The following GABRG1 variants were observed in gnomAD, a reference collection of about 807,000 sequenced individuals.
GABRG1 encodes gamma-aminobutyric acid type A receptor subunit gamma1, also known as gamma-aminobutyric acid receptor subunit gamma-1.
Under a neutral mutation model 49.8 loss-of-function variants are expected in GABRG1, and 49 were observed. The ratio of observed to expected loss-of-function variants is 0.98; its 90% CI spans 0.78 to 1.25. GABRG1 has a LOEUF of 1.25. GABRG1 is among the 50% of genes most tolerant of loss of function. The probability of loss-of-function intolerance (pLI) is 0.00; values close to 1 mark genes in which losing one functional copy is unlikely to be tolerated. For synonymous variants in GABRG1, 232 were observed against 185.1 expected, an observed-to-expected ratio of 1.25 and a Z score of -2.06; for missense variants, 552 against 552.3, an observed-to-expected ratio of 1.00 and a Z score of 0.01.
At position 46,051,643 on chromosome 4, in the gene GABRG1, A is replaced by G. The variant is rs1325304036; in HGVS notation, c.917-5T>C. 6.5e-7 allele frequency: 1 copy of G among 1,539,046 alleles called. No individual in the cohort carries two copies. Among genetic ancestry groups the G allele is most frequent in the Non-Finnish European group, 8.9e-7 (1 of 1,126,158 alleles). On this transcript the variant is annotated splice_polypyrimidine_tract_variant and splice_region_variant and intron_variant, in intron 7 of 8. Coordinates refer to ENST00000295452, the MANE Select transcript of GABRG1 (RefSeq NM_173536.4). ...TAGTCAGAACTGTAGTGATACCTATAGAGAGAGGAAACAAAACAGGAAATG... is the reference window on the plus strand; with the variant it reads ...TAGTCAGAACTGTAGTGATACCTATGGAGAGAGGAAACAAAACAGGAAATG...
At chr4:46,092,021 T>C (rs1720007830) in intron 2 of GABRG1, among the ~76,000 whole-genome samples, 4 of 152,060 alleles carry the variant, frequency 2.6e-5, no homozygotes. Context: ...AATTGAGTGA[T>C]ATTTATGAAG....
chr4:46,060,109 T>C (rs1230202315), intron 5 of GABRG1, among the ~76,000 whole-genome samples: 3 of 152,176 alleles, frequency 2.0e-5, no homozygotes, highest in African/African-American at 7.2e-5. Flanking sequence ...AGGAATATCT[T>C]TGAGGACTTT....
In GABRG1 at chr4:46,056,150, T is replaced by TAA. The variant is rs1491407033; in HGVS notation, c.916+2066_916+2067insTT. 3.3e-3 allele frequency among the ~76,000 whole-genome samples: 153 copies of TAA among 46,048 alleles called. 21 individuals are homozygous for TAA. The highest frequency in any genetic ancestry group is 5.2e-3 in the Non-Finnish European group (101 of 19,284). The allele number at this position is 46,048 out of a possible 152,430, so 30.2% of individuals were successfully genotyped here. A position where few individuals can be genotyped will look rare whatever the true frequency, so the allele number is the denominator to read the frequency against. ...AAAAAAAAAAAAATAAATAAATAAA[T>TAA]TAAAAAAAAAAAAAAAAAAAAAAAA... On this transcript the variant is annotated intron_variant, in intron 7 of 8. Coordinates refer to ENST00000295452, the MANE Select transcript of GABRG1 (RefSeq NM_173536.4).
intron 2 of GABRG1, among the ~76,000 whole-genome samples, chr4:46,085,346 A>G (rs1179029522): frequency 6.6e-6 from 1 of 151,622 alleles, no homozygotes; most frequent in Non-Finnish European, 1.5e-5. Context: ...GCATTTTAGC[A>G]TGAGTTACAT....
chr4:46,051,402 G>GAAAT, intron 8 of GABRG1, 22 bp downstream of exon 8: 1 of 1,537,286 alleles, frequency 6.5e-7, no homozygotes, highest in Non-Finnish European at 8.8e-7. Context: ...TTATAAAATA[G>GAAAT]AAATTTTTCT....
chr4:46,060,990 G>T (rs6811066), intron 5 of GABRG1, among the ~76,000 whole-genome samples: 76,800 of 151,872 alleles, frequency 0.51, 19,988 homozygotes, highest in African/African-American at 0.63. Flanking sequence ...CTGGACCCAT[G>T]TAGAGTGCCT....
chr4:46,088,805 TTGTGTGTGTTTG>T (rs1170276658), intron 2 of GABRG1, among the ~76,000 whole-genome samples: 3 of 142,532 alleles, frequency 2.1e-5, no homozygotes, highest in Non-Finnish European at 3.1e-5. Flanking sequence ...GTGTGTGTGT[TTGTGTGTGTTTG>T]TGTGTGTGTG....
intron 4 of GABRG1, among the ~76,000 whole-genome samples, chr4:46,064,929 T>C (rs1718849894): frequency 6.6e-6 from 1 of 152,180 alleles, no homozygotes; most frequent in Admixed American, 6.5e-5. Flanking sequence ...TAAGCAGATA[T>C]GTTTAAGTCA....
chr4:46,048,750 G>A (rs572594840), intron 8 of GABRG1, among the ~76,000 whole-genome samples: 1 of 151,292 alleles, frequency 6.6e-6, no homozygotes, highest in South Asian at 2.1e-4. Flanking sequence ...ATGAAAGAAA[G>A]AGAATGAAAG....
rs766543195 is a variant in GABRG1 at position 46,041,004 on chromosome 4, C to T, written c.1382G>A (p.Gly461Asp). Residue 461 changes from glycine (G) to aspartate (D), a missense_variant, in exon 9 of 9, where the codon GGC (glycine) becomes GAC (aspartate). Gly to Asp is a moderately conservative substitution (Grantham distance 94, BLOSUM62 -1). Coordinates refer to ENST00000295452, the MANE Select transcript of GABRG1 (RefSeq NM_173536.4). ...AAGTAGATTTTATAAGTAAAGATAG[C>T]CAACCCAATAAACCAAGTTGAACAG... ...FALFNLVYWV[G>D]YLYL 3 of 1,611,152 alleles carry T rather than the reference C, an allele frequency of 1.9e-6. No homozygotes were observed. Among genetic ancestry groups the T allele is most frequent in the South Asian group, 1.1e-5 (1 of 90,804 alleles).
chr4:46,053,637 T>G (rs1718322556), intron 7 of GABRG1, among the ~76,000 whole-genome samples: 1 of 151,994 alleles, frequency 6.6e-6, no homozygotes, highest in African/African-American at 2.4e-5. Context: ...AAGTGTTTCT[T>G]GGCTCCACAA....
chr4:46,119,702 T>G (rs1463327538), intron 1 of GABRG1, among the ~76,000 whole-genome samples: 1 of 151,512 alleles, frequency 6.6e-6, no homozygotes, highest in Non-Finnish European at 1.5e-5. Flanking sequence ...CTTCAAAAAT[T>G]TAGGCTCCTC....
At chr4:46,067,897 A>G (rs1169012270) in intron 3 of GABRG1, among the ~76,000 whole-genome samples, 1 of 152,124 alleles carries the variant, frequency 6.6e-6, no homozygotes, top group African/African-American at 2.4e-5. Flanking sequence ...CTTATACACA[A>G]CATCACTGGT....
chr4:46,089,924 A>T (rs2109426709), intron 2 of GABRG1, among the ~76,000 whole-genome samples: 1 of 152,138 alleles, frequency 6.6e-6, no homozygotes, highest in East Asian at 1.9e-4. Context: ...TGATCACACC[A>T]CTGCACTCCA....
intron 1 of GABRG1, among the ~76,000 whole-genome samples, chr4:46,098,213 A>C (rs1383911746): frequency 1.3e-5 from 2 of 151,760 alleles, no homozygotes; most frequent in African/African-American, 4.8e-5. Flanking sequence ...TTGTGATAGA[A>C]ACATCCAGTA....
chr4:46,115,210 A>G (rs1228091401), intron 1 of GABRG1, among the ~76,000 whole-genome samples: 2 of 150,742 alleles, frequency 1.3e-5, no homozygotes, highest in Non-Finnish European at 3.0e-5. Context: ...AAGTTTCTGT[A>G]AGTAAAACCT....
At chr4:46,067,309 T>C (rs987126202) in intron 3 of GABRG1, among the ~76,000 whole-genome samples, 1 of 152,142 alleles carries the variant, frequency 6.6e-6, no homozygotes, top group Non-Finnish European at 1.5e-5. Flanking sequence ...TGGAAAAGCA[T>C]ATACATAATA....
intron 3 of GABRG1, among the ~76,000 whole-genome samples, chr4:46,076,882 A>T (rs535662419): frequency 1.3e-4 from 20 of 151,846 alleles, no homozygotes; most frequent in African/African-American, 4.6e-4. Flanking sequence ...AAAATCTGAG[A>T]GGTCTAGGGT....
intron 1 of GABRG1, among the ~76,000 whole-genome samples, chr4:46,099,034 A>T (rs563009195): frequency 1.1e-4 from 17 of 151,730 alleles, no homozygotes; most frequent in Admixed American, 1.1e-3. Context: ...AGAATTTACT[A>T]TATTATTTCA....
Sources: gnomAD v4.1 joint callset for allele counts (sites outside exome capture counted in the v4.1 genomes callset) on GRCh38, gnomAD v4.1.1 for gene constraint, MANE v1.5 for transcripts, NCBI Gene and HGNC (gene_info 2026-07-23, HGNC 2026-07-21) for gene names.